Variants in SLC12A4 observed in about 807,000 individuals in gnomAD.
SLC12A4 encodes electroneutral potassium-chloride cotransporter 1.
In SLC12A4, 84 loss-of-function variants were observed where a neutral mutation model predicts 119.2. That is an observed-to-expected ratio of 0.70 (90% confidence interval 0.59 to 0.85). The LOEUF (loss-of-function observed/expected upper bound fraction) is 0.85. SLC12A4 is among the 40% of genes least tolerant of loss of function. The pLI, the probability that SLC12A4 is intolerant of heterozygous loss-of-function variation, is 0.00. For synonymous variants in SLC12A4, 599 were observed against 604.6 expected (o/e 0.99, Z 0.14); for missense variants, 1,298 against 1,476.3 (o/e 0.88, Z 1.98).
intron 1 of SLC12A4, among the ~76,000 whole-genome samples, chr16:67,964,220 G>C (rs1194190768): frequency 6.6e-6 from 1 of 152,218 alleles, no homozygotes; most frequent in Non-Finnish European, 1.5e-5. Flanking sequence ...AAAAATGGGA[G>C]CTGGGACTGC....
intron 3 of SLC12A4, among the ~76,000 whole-genome samples, chr16:67,961,132 C>G (rs200560722): frequency 6.6e-6 from 1 of 152,186 alleles, no homozygotes; most frequent in Non-Finnish European, 1.5e-5. Context: ...ATAAAATCTA[C>G]GAATCCATCT....
chr16:67,957,407 GAT>G (rs2030325305), intron 5 of SLC12A4: 1 of 261,028 alleles, frequency 3.8e-6, no homozygotes, highest in South Asian at 4.3e-5. Context: ...CTGCCCTTGT[GAT>G]CCACCCACCT....
Position 67,954,785 on chromosome 16 carries a change from A to C in SLC12A4, c.545-12T>G. 1.2e-6 allele frequency: 2 copies of C among 1,614,046 alleles called. No homozygotes were observed. The highest frequency in any genetic ancestry group is 1.7e-6 in the Non-Finnish European group (2 of 1,179,976). ...ATAGGAGCCCCCAGCTACAGCAGAG[A>C]AATGAAAGTGTGCACAGGTCAAGGC... On this transcript the variant is annotated splice_polypyrimidine_tract_variant and intron_variant, in intron 5 of 23. Transcript: ENST00000316341.
Position 67,949,742 on chromosome 16 carries a change from G to A in SLC12A4, c.1748+58C>T, listed in dbSNP as rs971971034. The A allele has an allele frequency of 1.2e-5, 14 of 1,174,604 alleles. No homozygotes were observed. The East Asian group carries it at 1.9e-4, about 16-fold the overall frequency. 72.8% of individuals were successfully genotyped at this position (1,174,604 alleles called of 1,614,324 possible). Reference sequence around the variant, plus strand: ...CCAACACCAGACGCAGCCACGGGGAGGTGCTGGGGTTCAGGAAGCCTTTCC... The same window carrying A: ...CCAACACCAGACGCAGCCACGGGGAAGTGCTGGGGTTCAGGAAGCCTTTCC... On this transcript the variant is annotated intron_variant, in intron 13 of 23. Transcript: ENST00000316341. This position sits in a 1 kb window ranked among gnomAD's most constrained non-coding sequence, Gnocchi z 4.6.
rs759252222 is a variant in SLC12A4 at position 67,949,015 on chromosome 16, G to A, written c.1748+785C>T. 1.2e-4 allele frequency among the ~76,000 whole-genome samples: 18 copies of A among 152,260 alleles called. No individual in the cohort carries two copies. The highest frequency in any genetic ancestry group is 2.4e-4 in the African/African-American group (10 of 41,552). ...GCGTCAGCCACGGAGCAGGGTGGGC[G>A]AGGACCCCAGCCTGGACAGAGTCAA... On this transcript the variant is annotated intron_variant, in intron 13 of 23. Coordinates refer to ENST00000316341, the MANE Select transcript of SLC12A4 (RefSeq NM_005072.5). The surrounding 1 kb of genome is among the most constrained non-coding windows in gnomAD (Gnocchi z 4.6).
chr16:67,951,827 G>A lies in SLC12A4; in HGVS notation c.1128C>T (p.Leu376=), dbSNP rs766257829. The change falls in exon 8 of 24, where the codon CTC becomes CTT. Residue 376 remains leucine, a synonymous_variant. Coordinates refer to ENST00000316341, the MANE Select transcript of SLC12A4 (RefSeq NM_005072.5). This position sits in a 1 kb window ranked among gnomAD's most constrained non-coding sequence, Gnocchi z 5.2. ...ACGACGGGAGGGAGGACCCACCCTG[G>A]AGCACACCAGCAGCTGCCCCGGGGA... ...PGIPGAAAGV[L]QENLWSAYLE... is the part of the protein sequence containing the mutation. 6.2e-7 allele frequency: 1 copy of A among 1,611,456 alleles called. No homozygotes were observed.
In SLC12A4 at chr16:67,945,932, G is replaced by A. The variant is rs1355739675; in HGVS notation, c.2739+19C>T. 6.2e-6 allele frequency: 10 copies of A among 1,613,108 alleles called. No homozygotes were observed. Among genetic ancestry groups the A allele is most frequent in the African/African-American group, 1.3e-5 (1 of 75,038 alleles). ...CGGGACATGGTATCCACGGGGCCAGGGCAGGGCAGAGGGCTCACCATCTCC... is the reference window on the plus strand; with the variant it reads ...CGGGACATGGTATCCACGGGGCCAGAGCAGGGCAGAGGGCTCACCATCTCC... On this transcript the variant is annotated intron_variant, in intron 20 of 23. Coordinates refer to ENST00000316341, the MANE Select transcript of SLC12A4 (RefSeq NM_005072.5).
rs148987471 is a variant in SLC12A4, at chr16:67,951,078, A to T, written c.1298-18T>A. On this transcript the variant is annotated intron_variant, in intron 9 of 23. Transcript: ENST00000316341. This position sits in a 1 kb window ranked among gnomAD's most constrained non-coding sequence, Gnocchi z 5.2. ...CATGATGCCTCCAAAAACAGATGAGACTCCCTCAGGGGCTCCCCGGGATTG... is the reference window on the plus strand; with the variant it reads ...CATGATGCCTCCAAAAACAGATGAGTCTCCCTCAGGGGCTCCCCGGGATTG... 1,716 of 1,613,140 alleles carry T rather than the reference A, an allele frequency of 1.1e-3. 20 individuals are homozygous for T. The African/African-American group carries it at 0.021, about 20-fold the overall frequency.
intron 5 of SLC12A4, 89 bp downstream of exon 5, chr16:67,957,653 C>T: frequency 6.8e-7 from 1 of 1,477,318 alleles, no homozygotes; most frequent in Non-Finnish European, 9.4e-7. Flanking sequence ...CTGCTTGGGG[C>T]AGGGGTGTGC....
At chr16:67,956,186 A>G (rs1017328197) in intron 5 of SLC12A4, among the ~76,000 whole-genome samples, 25 of 152,000 alleles carry the variant, frequency 1.6e-4, no homozygotes, top group Non-Finnish European at 2.8e-4. Flanking sequence ...AAATAAATAA[A>G]TAAATAAACG....
At chr16:67,959,954 A>G (rs971409896) in intron 3 of SLC12A4, among the ~76,000 whole-genome samples, 3 of 152,130 alleles carry the variant, frequency 2.0e-5, no homozygotes, top group Admixed American at 6.5e-5. Flanking sequence ...GCAGCCCCAG[A>G]TCCCTAACTT....
At chr16:67,955,133 G>T (rs1442006844) in intron 5 of SLC12A4, among the ~76,000 whole-genome samples, 1 of 152,236 alleles carries the variant, frequency 6.6e-6, no homozygotes, top group Non-Finnish European at 1.5e-5. Context: ...CCCTCCTGAG[G>T]CCTGTGCCTT....
intron 13 of SLC12A4, among the ~76,000 whole-genome samples, chr16:67,948,991 C>T (rs1022982832): frequency 6.6e-6 from 1 of 152,120 alleles, no homozygotes; most frequent in Admixed American, 6.5e-5. Context: ...CAAGAAGGAG[C>T]GTCAGCCACG....
intron 5 of SLC12A4, among the ~76,000 whole-genome samples, chr16:67,955,709 C>T (rs1190428555): frequency 2.6e-5 from 4 of 151,978 alleles, no homozygotes; most frequent in Non-Finnish European, 5.9e-5. Context: ...GATGAAACCC[C>T]GTCTCTACTA....
At chr16:67,960,157 C>T (rs2030485649) in intron 3 of SLC12A4, among the ~76,000 whole-genome samples, 1 of 152,246 alleles carries the variant, frequency 6.6e-6, no homozygotes, top group Non-Finnish European at 1.5e-5. Context: ...GCATCCCTCC[C>T]ACATTCCTGC....
intron 5 of SLC12A4, 133 bp from the exon 6 acceptor site, chr16:67,954,906 G>A: frequency 1.9e-6 from 2 of 1,069,338 alleles, no homozygotes; most frequent in Admixed American, 2.2e-5. Context: ...TAGAGGGGCT[G>A]GGAGACCTAC....
In SLC12A4 at chr16:67,947,086, G is replaced by A; in HGVS notation, c.2092C>T (p.Leu698=). The A allele has an allele frequency of 6.2e-7, 1 of 1,600,434 alleles. No individual in the cohort carries two copies. The highest frequency in any genetic ancestry group is 1.3e-5 in the African/African-American group (1 of 74,544). ...KNWRPQLLVL[L]KLDEDLHVKY... ...ACGTGGAGGTCCTCGTCCAGCTTCA[G>A]CAGCACCAGCAGCTGCGGCCTGCAG... Residue 698 remains leucine, a synonymous_variant, in exon 17 of 24, where the codon CTG becomes TTG. Transcript: ENST00000316341.
At chr16:67,955,119 C>T (rs1163769411) in intron 5 of SLC12A4, among the ~76,000 whole-genome samples, 1 of 152,260 alleles carries the variant, frequency 6.6e-6, no homozygotes, top group Non-Finnish European at 1.5e-5. Context: ...CTCAGCCCAC[C>T]TCACCCTCCT....
intron 1 of SLC12A4, among the ~76,000 whole-genome samples, chr16:67,964,825 GATAC>G (rs2030788819): frequency 6.6e-6 from 1 of 152,186 alleles, no homozygotes; most frequent in South Asian, 2.1e-4. Flanking sequence ...TCCTGTATCT[GATAC>G]ATCTCTTGCT....
Sources: gnomAD v4.1 joint callset for allele counts (sites outside exome capture counted in the v4.1 genomes callset) on GRCh38, gnomAD v4.1.1 for gene constraint, Gnocchi (gnomAD v3.1) non-coding constraint, MANE v1.5 for transcripts, NCBI Gene and HGNC (gene_info 2026-07-23, HGNC 2026-07-21) for gene names.